The following INHBB variants were observed in gnomAD, a reference collection of about 807,000 sequenced individuals.
The protein encoded by INHBB is inhibin beta B chain.
In INHBB, 8 loss-of-function variants were observed where a neutral mutation model predicts 28.9. The ratio of observed to expected loss-of-function variants is 0.28; its 90% confidence interval spans 0.16 to 0.50. The LOEUF is 0.50. Ranked by LOEUF, INHBB falls within the 20% of genes least tolerant of loss-of-function variation. INHBB has a pLI of 0.98. For synonymous variants in INHBB, 293 were observed against 262.7 expected, an observed-to-expected ratio of 1.12 and a Z score of -1.12; for missense variants, 499 against 597.8, an observed-to-expected ratio of 0.83 and a Z score of 1.72.
At position 120,351,179 on chromosome 2, in the gene INHBB, C is replaced by A. The variant is rs1380636724; in HGVS notation, c.*1305C>A. 6.5e-6 allele frequency: 1 copy of A among 152,676 alleles called. No homozygotes were observed. The allele number at this position is 152,676 out of a possible 1,614,324, so 9.5% of individuals were successfully genotyped here. Reference sequence around the variant, plus strand: ...CCCTTGGCCGAGCGCCGAACTCGCTCGCCCTCTAGATGTCCAAGTGCCACG... The same window carrying A: ...CCCTTGGCCGAGCGCCGAACTCGCTAGCCCTCTAGATGTCCAAGTGCCACG... On this transcript the variant is annotated 3_prime_UTR_variant, in exon 2 of 2. Coordinates refer to ENST00000295228, the MANE Select transcript of INHBB (RefSeq NM_002193.4).
rs1337832826 is a variant in INHBB at position 120,346,456 on chromosome 2, G to A, written c.268G>A (p.Gly90Ser). The A allele has an allele frequency of 2.6e-6, 4 of 1,557,552 alleles. No individual in the cohort carries two copies. The highest frequency in any genetic ancestry group is 1.9e-5 in the Admixed American group (1 of 53,770). ...CATCTTGAGCCGCCTGCAGATGCGGGGCCGGCCCAACATCACGCACGCCGT... is the reference window on the plus strand; with the variant it reads ...CATCTTGAGCCGCCTGCAGATGCGGAGCCGGCCCAACATCACGCACGCCGT... ...RHILSRLQMR[G>S]RPNITHAVPK... The change falls in exon 1 of 2, where the codon GGC becomes AGC. Residue 90 changes from glycine to serine, a missense_variant. Gly to Ser is a moderately conservative substitution (Grantham distance 56). Around this residue, in one of 2 missense-constraint regions of INHBB, gnomAD observed 385 missense variants for 415.2 expected, o/e 0.93. Coordinates refer to ENST00000295228, the MANE Select transcript of INHBB (RefSeq NM_002193.4).
chr2:120,350,215 G>A lies in INHBB; in HGVS notation c.*341G>A. 3.3e-6 allele frequency: 1 copy of A among 302,506 alleles called. No homozygotes were observed. 18.7% of individuals were successfully genotyped at this position (302,506 alleles called of 1,614,324 possible). A position where few individuals can be genotyped will look rare whatever the true frequency, so the allele number is the denominator to read the frequency against. On this transcript the variant is annotated 3_prime_UTR_variant, in exon 2 of 2. Coordinates refer to ENST00000295228, the MANE Select transcript of INHBB (RefSeq NM_002193.4). ...TAGCTACAAATGCCTGTCAGTCGGA[G>A]AGAATGGGGTGAGCAGCCACCATTC...
At position 120,346,172 on chromosome 2, in the gene INHBB, G is replaced by C. The variant is rs1436998196; in HGVS notation, c.-17G>C. 8.7e-7 allele frequency: 1 copy of C among 1,149,716 alleles called. No homozygotes were observed. The highest frequency in any genetic ancestry group is 1.1e-6 in the Non-Finnish European group (1 of 936,862). 71.2% of individuals were successfully genotyped at this position (1,149,716 alleles called of 1,614,324 possible). A position where few individuals can be genotyped will look rare whatever the true frequency, so the allele number is the denominator to read the frequency against. On this transcript the variant is annotated 5_prime_UTR_variant, in exon 1 of 2. Coordinates refer to ENST00000295228, the MANE Select transcript of INHBB (RefSeq NM_002193.4). ...GGCTCGCCTCGCGGCGGGCGCCCTCGTCGCCAGCGGCGCACCATGGACGGG... is the reference window on the plus strand; with the variant it reads ...GGCTCGCCTCGCGGCGGGCGCCCTCCTCGCCAGCGGCGCACCATGGACGGG...
At chr2:120,347,167 A>G (rs1691172200) in intron 1 of INHBB, among the ~76,000 whole-genome samples, 1 of 152,164 alleles carries the variant, frequency 6.6e-6, no homozygotes, top group Non-Finnish European at 1.5e-5. Context: ...TGGGCTTGCC[A>G]GGATTGCTGA....
chr2:120,349,706 G>A lies in INHBB; in HGVS notation c.1056G>A (p.Thr352=), dbSNP rs546958063. ...GVPGSASSFH[T]AVVNQYRMRG... is the part of the protein sequence containing the mutation. ...CCGGCTCTGCCTCCTCCTTCCACACGGCTGTGGTGAACCAGTACCGCATGC... is the reference window on the plus strand; with the variant it reads ...CCGGCTCTGCCTCCTCCTTCCACACAGCTGTGGTGAACCAGTACCGCATGC... The change falls in exon 2 of 2, where the codon ACG becomes ACA. Residue 352 remains threonine (T), a synonymous_variant. Transcript: ENST00000295228. The surrounding 1 kb of genome is among the most constrained non-coding windows in gnomAD (Gnocchi z 5.6). 1.4e-5 allele frequency: 23 copies of A among 1,613,828 alleles called. No individual in the cohort carries two copies. The highest frequency in any genetic ancestry group is 5.3e-5 in the African/African-American group (4 of 75,062).
Position 120,346,462 on chromosome 2 carries a change from C to A in INHBB, c.274C>A (p.Pro92Thr). 1.3e-6 allele frequency: 2 copies of A among 1,558,128 alleles called. No individual in the cohort carries two copies. Among genetic ancestry groups the A allele is most frequent in the Non-Finnish European group, 1.7e-6 (2 of 1,160,632 alleles). The change falls in exon 1 of 2, where the codon CCC becomes ACC. Residue 92 changes from proline (P) to threonine (T), a missense_variant. Pro to Thr is a conservative substitution (Grantham distance 38, BLOSUM62 -1). Coordinates refer to ENST00000295228, the MANE Select transcript of INHBB (RefSeq NM_002193.4). ...ILSRLQMRGR[P>T]NITHAVPKAA... ...GAGCCGCCTGCAGATGCGGGGCCGGCCCAACATCACGCACGCCGTGCCTAA... is the reference window on the plus strand; with the variant it reads ...GAGCCGCCTGCAGATGCGGGGCCGGACCAACATCACGCACGCCGTGCCTAA...
Position 120,349,880 on chromosome 2 carries a change from C to T in INHBB, c.*6C>T. On this transcript the variant is annotated 3_prime_UTR_variant, in exon 2 of 2. Coordinates refer to ENST00000295228, the MANE Select transcript of INHBB (RefSeq NM_002193.4). This position sits in a 1 kb window ranked among gnomAD's most constrained non-coding sequence, Gnocchi z 5.6. ...AGGAGTGCGGCTGCGCCTGACAGTG[C>T]AAGGCAGGGGCACGGTGGTGGGGCA... is the stretch of plus-strand genomic sequence containing the variant. 1 of 1,602,162 alleles carries T rather than the reference C, an allele frequency of 6.2e-7. No individual in the cohort carries two copies. The highest frequency in any genetic ancestry group is 8.5e-7 in the Non-Finnish European group (1 of 1,172,540).
In INHBB at chr2:120,346,523, C is replaced by A. The variant is rs998841719; in HGVS notation, c.335C>A (p.Ala112Glu). 20 of 1,531,522 alleles carry A rather than the reference C, an allele frequency of 1.3e-5. No homozygotes were observed. Among genetic ancestry groups the A allele is most frequent in the Non-Finnish European group, 1.7e-5 (20 of 1,146,032 alleles). 94.9% of individuals were successfully genotyped at this position (1,531,522 alleles called of 1,614,324 possible). ...AMVTALRKLH[A>E]GKVREDGRVE... ...GTCACGGCCCTGCGCAAGCTGCACG[C>A]GGGCAAGGTGCGCGAGGACGGCCGC... Residue 112 changes from alanine (A) to glutamate (E), a missense_variant, in exon 1 of 2, where the codon GCG becomes GAG. Ala to Glu is a moderately radical substitution (Grantham distance 107). Around this residue, in one of 2 missense-constraint regions of INHBB, gnomAD observed 385 missense variants for 415.2 expected, o/e 0.93. Transcript: ENST00000295228.
At chr2:120,346,876 CA>C (rs1240087042) in intron 1 of INHBB, among the ~76,000 whole-genome samples, 2 of 152,274 alleles carry the variant, frequency 1.3e-5, no homozygotes, top group Non-Finnish European at 2.9e-5. Context: ...CCTGGCCCTC[CA>C]CCCCTGCTCT....
chr2:120,346,397 T>G lies in INHBB; in HGVS notation c.209T>G (p.Val70Gly). Residue 70 changes from valine (V) to glycine (G), a missense_variant, in exon 1 of 2, where the codon GTG (valine) becomes GGG (glycine). Val to Gly is a moderately radical substitution (Grantham distance 109). This residue lies in a region of INHBB where 385 missense variants were observed against 415.2 expected (regional missense o/e 0.93). Transcript: ENST00000295228. ...GFRRPEELGR[V>G]DGDFLEAVKR... ...CGGCGGCCAGAGGAGCTCGGCCGAG[T>G]GGACGGCGACTTCCTGGAGGCGGTG... 1 of 1,535,038 alleles carries G rather than the reference T, an allele frequency of 6.5e-7. No homozygotes were observed. Among genetic ancestry groups the G allele is most frequent in the Non-Finnish European group, 8.7e-7 (1 of 1,147,668 alleles).
chr2:120,346,397 T>A lies in INHBB; in HGVS notation c.209T>A (p.Val70Glu), dbSNP rs1391489233. ...GFRRPEELGR[V>E]DGDFLEAVKR... Reference sequence around the variant, plus strand: ...CGGCGGCCAGAGGAGCTCGGCCGAGTGGACGGCGACTTCCTGGAGGCGGTG... The same window carrying A: ...CGGCGGCCAGAGGAGCTCGGCCGAGAGGACGGCGACTTCCTGGAGGCGGTG... The change falls in exon 1 of 2, where the codon GTG becomes GAG. Residue 70 changes from valine (V) to glutamate (E), a missense_variant. Val to Glu is a moderately radical substitution (Grantham distance 121). Coordinates refer to ENST00000295228, the MANE Select transcript of INHBB (RefSeq NM_002193.4). 11 of 1,534,930 alleles carry A rather than the reference T, an allele frequency of 7.2e-6. No homozygotes were observed. The Admixed American group carries it at 1.8e-4, about 25-fold the overall frequency.
In INHBB at chr2:120,346,435, T is replaced by C. The variant is rs1366044988; in HGVS notation, c.247T>C (p.Leu83=). The C allele has an allele frequency of 3.6e-5, 56 of 1,553,396 alleles. No homozygotes were observed. The highest frequency in any genetic ancestry group is 4.8e-5 in the Non-Finnish European group (55 of 1,157,678). ...DFLEAVKRHI[L]SRLQMRGRPN... is the part of the protein sequence containing the mutation. ...CCTGGAGGCGGTGAAGCGGCACATCTTGAGCCGCCTGCAGATGCGGGGCCG... is the reference window on the plus strand; with the variant it reads ...CCTGGAGGCGGTGAAGCGGCACATCCTGAGCCGCCTGCAGATGCGGGGCCG... Residue 83 remains leucine (L), a synonymous_variant, in exon 1 of 2, where the codon TTG becomes CTG. Coordinates refer to ENST00000295228, the MANE Select transcript of INHBB (RefSeq NM_002193.4).
At position 120,349,677 on chromosome 2, in the gene INHBB, G is replaced by T. The variant is rs751219463; in HGVS notation, c.1027G>T (p.Val343Phe). Reference protein sequence around the residue: ...EGSCPAYLAGVPGSASSFHTA... With the variant: ...EGSCPAYLAGFPGSASSFHTA... Reference sequence around the variant, plus strand: ...CAGCTGCCCAGCCTACCTGGCAGGGGTCCCCGGCTCTGCCTCCTCCTTCCA... The same window carrying T: ...CAGCTGCCCAGCCTACCTGGCAGGGTTCCCCGGCTCTGCCTCCTCCTTCCA... The change falls in exon 2 of 2, where the codon GTC becomes TTC. Residue 343 changes from valine to phenylalanine, a missense_variant. Physicochemically the swap from Val to Phe is conservative, Grantham distance 50 (BLOSUM62 -1). Transcript: ENST00000295228. This position sits in a 1 kb window ranked among gnomAD's most constrained non-coding sequence, Gnocchi z 5.6. 1.2e-6 allele frequency: 2 copies of T among 1,613,862 alleles called. No individual in the cohort carries two copies. The highest frequency in any genetic ancestry group is 2.2e-5 in the East Asian group (1 of 44,884).
intron 1 of INHBB, among the ~76,000 whole-genome samples, chr2:120,347,343 C>T (rs1024407052): frequency 1.5e-4 from 23 of 152,104 alleles, no homozygotes; most frequent in Admixed American, 6.5e-5. Flanking sequence ...AGACCCCTCG[C>T]CCGAGAGGCA....
rs753561138 is a variant in INHBB at position 120,346,649 on chromosome 2, C to T, written c.448+13C>T. ...TTCGCCGAGACAGGTGGGTCCGGCC[C>T]TCCGGCTGTCTGCCGCGGTCCCCGC... On this transcript the variant is annotated intron_variant, in intron 1 of 1. Coordinates refer to ENST00000295228, the MANE Select transcript of INHBB (RefSeq NM_002193.4). The T allele has an allele frequency of 1.2e-5, 17 of 1,416,760 alleles. No individual in the cohort carries two copies. In the African/African-American group the frequency reaches 2.5e-4, roughly 21 times the overall value. The allele number at this position is 1,416,760 out of a possible 1,614,324, so 87.8% of individuals were successfully genotyped here.
rs1358422582 is a variant in INHBB at position 120,349,598 on chromosome 2, C to T, written c.948C>T (p.Gly316=). 5 of 1,613,850 alleles carry T rather than the reference C, an allele frequency of 3.1e-6. No homozygotes were observed. Among genetic ancestry groups the T allele is most frequent in the Non-Finnish European group, 4.2e-6 (5 of 1,180,046 alleles). ...TCTTCATTGACTTCCGCCTCATCGG[C>T]TGGAACGACTGGATCATAGCACCCA... ...QQFFIDFRLI[G]WNDWIIAPTG... is the part of the protein sequence containing the mutation. Residue 316 remains glycine (G), a synonymous_variant, in exon 2 of 2, where the codon GGC becomes GGT. Transcript: ENST00000295228. This position sits in a 1 kb window ranked among gnomAD's most constrained non-coding sequence, Gnocchi z 5.6.
chr2:120,349,455 G>C lies in INHBB; in HGVS notation c.805G>C (p.Glu269Gln), dbSNP rs1459992323. The C allele has an allele frequency of 6.2e-7, 1 of 1,613,732 alleles. No homozygotes were observed. The highest frequency in any genetic ancestry group is 8.5e-7 in the Non-Finnish European group (1 of 1,180,030). The stretch of plus-strand genomic sequence containing the variant: ...GGTGCCGGTGTTCGTGGACCCAGGC[G>C]AAGAGTCGCACCGGCCCTTTGTGGT... ...AVVPVFVDPGEESHRPFVVVQ... is the reference protein window; with the variant it reads ...AVVPVFVDPGQESHRPFVVVQ... The change falls in exon 2 of 2, where the codon GAA becomes CAA. Residue 269 changes from glutamate to glutamine, a missense_variant. Physicochemically the swap from Glu to Gln is conservative, Grantham distance 29. Transcript: ENST00000295228. The surrounding 1 kb of genome is among the most constrained non-coding windows in gnomAD (Gnocchi z 5.6).
Position 120,350,124 on chromosome 2 carries a change from G to T in INHBB, c.*250G>T. On this transcript the variant is annotated 3_prime_UTR_variant, in exon 2 of 2. Coordinates refer to ENST00000295228, the MANE Select transcript of INHBB (RefSeq NM_002193.4). ...CACACGTAGCCACGCACAGCCAGAC[G>T]CATCCTGCCACCCACACAGCAGCCT... The T allele has an allele frequency of 2.0e-6, 1 of 496,294 alleles. No homozygotes were observed. Among genetic ancestry groups the T allele is most frequent in the Non-Finnish European group, 3.6e-6 (1 of 278,940 alleles). 30.7% of individuals were successfully genotyped at this position (496,294 alleles called of 1,614,324 possible).
Position 120,351,194 on chromosome 2 carries a change from C to T in INHBB, c.*1320C>T, listed in dbSNP as rs901266406. 1 of 152,686 alleles carries T rather than the reference C, an allele frequency of 6.5e-6. No individual in the cohort carries two copies. Among genetic ancestry groups the T allele is most frequent in the Admixed American group, 6.5e-5 (1 of 15,288 alleles). 9.5% of individuals were successfully genotyped at this position (152,686 alleles called of 1,614,324 possible). ...CGAACTCGCTCGCCCTCTAGATGTC[C>T]AAGTGCCACGTGAACTATGCAATTT... On this transcript the variant is annotated 3_prime_UTR_variant, in exon 2 of 2. Coordinates refer to ENST00000295228, the MANE Select transcript of INHBB (RefSeq NM_002193.4).
Sources: gnomAD v4.1 joint callset for allele counts (sites outside exome capture counted in the v4.1 genomes callset) on GRCh38, gnomAD v4.1.1 for gene constraint, gnomAD v4.1.1 regional missense constraint, Gnocchi (gnomAD v3.1) non-coding constraint, MANE v1.5 for transcripts, NCBI Gene and HGNC (gene_info 2026-07-23, HGNC 2026-07-21) for gene names.